The following ANO4 variants were observed in gnomAD, a reference collection of about 807,000 sequenced individuals.
The protein encoded by ANO4 is anoctamin-4.
ANO4 carries 69 observed loss-of-function variants against 141.9 expected under a neutral mutation model. The observed-to-expected ratio is 0.49, with a 90% confidence interval of 0.40 to 0.59. The LOEUF is 0.59. Among genes scored for constraint, ANO4 ranks in the 20% least tolerant of loss-of-function variants. The pLI, the probability that ANO4 is intolerant of heterozygous loss-of-function variation, is 0.00. For synonymous variants in ANO4, 350 were observed against 394.3 expected (o/e 0.89, Z 1.33); for missense variants, 894 against 1,162.2 (o/e 0.77, Z 3.36).
chr12:100,759,744 G>A (rs1489795531), intron 3 of ANO4, among the ~76,000 whole-genome samples: 1 of 152,138 alleles, frequency 6.6e-6, no homozygotes, highest in Non-Finnish European at 1.5e-5. Context: ...GTACCATTTT[G>A]AGCCCGTTTC....
At chr12:100,989,975 AGATGGATGGATG>A (rs58082088) in intron 8 of ANO4, among the ~76,000 whole-genome samples, 23,410 of 131,660 alleles carry the variant, frequency 0.18, 2,018 homozygotes, top group East Asian at 0.26. Context: ...ATAGGTCACC[AGATGGATGGATG>A]GATGGATGGA....
intron 24 of ANO4, among the ~76,000 whole-genome samples, chr12:101,112,319 G>A (rs1361284426): frequency 6.6e-6 from 1 of 152,176 alleles, no homozygotes; most frequent in East Asian, 1.9e-4. Flanking sequence ...CAATTCTATG[G>A]CATTGCCTCA....
At chr12:101,001,065 G>A (rs781517969) in intron 8 of ANO4, among the ~76,000 whole-genome samples, 11 of 151,976 alleles carry the variant, frequency 7.2e-5, no homozygotes, top group Non-Finnish European at 1.3e-4. Context: ...ATGTGTGCAT[G>A]TATATTTTTA....
chr12:100,795,322 G>A (rs1043105244), intron 1 of ANO4, among the ~76,000 whole-genome samples: 2 of 152,222 alleles, frequency 1.3e-5, no homozygotes, highest in Non-Finnish European at 1.5e-5. Flanking sequence ...CTGCAGCAGC[G>A]TGCAGGGAAT....
chr12:101,030,086 A>G (rs2046914512), intron 9 of ANO4, among the ~76,000 whole-genome samples: 1 of 152,148 alleles, frequency 6.6e-6, no homozygotes, highest in Non-Finnish European at 1.5e-5. Flanking sequence ...CAGAAAATTA[A>G]CAAGGATATT....
intron 15 of ANO4, among the ~76,000 whole-genome samples, chr12:101,082,074 C>T (rs2049306982): frequency 6.6e-6 from 1 of 152,162 alleles, no homozygotes. Context: ...GCTGTGTCCC[C>T]ACCCAAATCT....
In ANO4 at chr12:100,908,877, T is replaced by C. The variant is rs558799622; in HGVS notation, c.55+7037T>C. Among the ~76,000 whole-genome samples, 5 of 152,356 alleles carry C rather than the reference T, an allele frequency of 3.3e-5. 1 individual carries two copies. The South Asian group carries it at 1.0e-3, about 32-fold the overall frequency. The stretch of plus-strand genomic sequence containing the variant: ...TTTTCTGTTCCATCTGCCTGAACAA[T>C]TTCAGTATGTTTATCCTCCTTTGAG... On this transcript the variant is annotated intron_variant, in intron 2 of 27. Transcript: ENST00000392977.
At chr12:100,893,518 GACCC>G (rs2040203947) in intron 1 of ANO4, among the ~76,000 whole-genome samples, 1 of 152,002 alleles carries the variant, frequency 6.6e-6, no homozygotes, top group African/African-American at 2.4e-5. Flanking sequence ...CTCCTTCTGG[GACCC>G]ATGGCTAGTC....
chr12:101,042,267 C>T (rs1417819333), intron 11 of ANO4, 67 bp from the exon 12 acceptor site: 17 of 1,586,950 alleles, frequency 1.1e-5, no homozygotes, highest in East Asian at 6.8e-5. Context: ...AATGACTATA[C>T]GAAGTTTCAT....
rs141984741 is a variant in ANO4, at chr12:100,756,349, A to G, written c.358+16244A>G. The stretch of plus-strand genomic sequence containing the variant: ...ACCATTTTAAATGTATGTATAGAAC[A>G]TTATTTATTTTTATTTTTGAGGTGT... On this transcript the variant is annotated intron_variant, in intron 3 of 29. Coordinates refer to the ANO4 transcript ENST00000644049. 3.2e-3 allele frequency among the ~76,000 whole-genome samples: 483 copies of G among 152,168 alleles called. 6 individuals carry two copies. Among genetic ancestry groups the G allele is most frequent in the African/African-American group, 0.011 (449 of 41,544 alleles).
intron 16 of ANO4, among the ~76,000 whole-genome samples, chr12:101,086,015 GA>G (rs1317462879): frequency 6.6e-6 from 1 of 151,434 alleles, no homozygotes; most frequent in East Asian, 1.9e-4. Context: ...GAGTCATGAA[GA>G]ACTTTTATTA....
At chr12:100,881,192 AG>A (rs1227276155) in intron 1 of ANO4, among the ~76,000 whole-genome samples, 2 of 151,996 alleles carry the variant, frequency 1.3e-5, no homozygotes, top group Non-Finnish European at 2.9e-5. Flanking sequence ...CTAAATGACG[AG>A]TTAATGGGTA....
chr12:100,813,120 C>T (rs1370076884), intron 1 of ANO4, among the ~76,000 whole-genome samples: 1 of 152,184 alleles, frequency 6.6e-6, no homozygotes, highest in African/African-American at 2.4e-5. Flanking sequence ...GGCGTCCTAG[C>T]AGTGTCAAAT....
chr12:100,989,204 C>T (rs934384433), intron 8 of ANO4, among the ~76,000 whole-genome samples: 3 of 152,094 alleles, frequency 2.0e-5, no homozygotes, highest in Non-Finnish European at 4.4e-5. Flanking sequence ...ATGGAATTCA[C>T]AGACTGGCCT....
intron 3 of ANO4, among the ~76,000 whole-genome samples, chr12:100,755,648 A>G (rs1258417800): frequency 2.0e-5 from 3 of 152,198 alleles, no homozygotes; most frequent in Non-Finnish European, 4.4e-5. Flanking sequence ...GTTTACGATC[A>G]TTTTTTATTA....
At chr12:100,899,426 A>C (rs1025476153) in intron 1 of ANO4, among the ~76,000 whole-genome samples, 7 of 152,222 alleles carry the variant, frequency 4.6e-5, no homozygotes, top group African/African-American at 1.7e-4. Flanking sequence ...TCCGGTGAGC[A>C]CTGTTGGAAT....
intron 2 of ANO4, among the ~76,000 whole-genome samples, chr12:100,913,809 G>C (rs1344528357): frequency 6.6e-6 from 1 of 152,216 alleles, no homozygotes; most frequent in Non-Finnish European, 1.5e-5. Flanking sequence ...AGTTTGAGCT[G>C]ACAGGCCGAT....
At position 100,922,067 on chromosome 12, in the gene ANO4, C is replaced by CT. The variant is rs71820018; in HGVS notation, c.56-146dup. Among the ~76,000 whole-genome samples the CT allele has an allele frequency of 5.3e-3, 761 of 142,370 alleles. 4 individuals are homozygous for CT. Among genetic ancestry groups the CT allele is most frequent in the African/African-American group, 0.014 (544 of 38,336 alleles). The allele number at this position is 142,370 out of a possible 152,430, so 93.4% of individuals were successfully genotyped here. On this transcript the variant is annotated intron_variant, in intron 2 of 27. Coordinates refer to ENST00000392977, the MANE Select transcript of ANO4 (RefSeq NM_001286615.2). ...AAATGCAAATGGCTTGTATATGTTC[C>CT]TTTTTTTTTTTTTCTTAAGTCCTTT...
In ANO4 at chr12:100,806,523, CGTTTTTT is replaced by C. The variant is rs2035041820; in HGVS notation, c.-141+11497_-141+11503del. Reference sequence around the variant, plus strand: ...TTTTTAGGAGGTTTTTTTTTTGTTTCGTTTTTTTTTTTTTTTTTTTTTTTTTTTTTTT... The same window carrying C: ...TTTTTAGGAGGTTTTTTTTTTGTTTCTTTTTTTTTTTTTTTTTTTTTTTTT... On this transcript the variant is annotated intron_variant, in intron 1 of 27. Transcript: ENST00000392977. Among the ~76,000 whole-genome samples, 16 of 44,982 alleles carry C rather than the reference CGTTTTTT, an allele frequency of 3.6e-4. 2 individuals are homozygous for C. Among genetic ancestry groups the C allele is most frequent in the Admixed American group, 6.2e-4 (2 of 3,212 alleles). The allele number at this position is 44,982 out of a possible 152,430, so 29.5% of individuals were successfully genotyped here. A position where few individuals can be genotyped will look rare whatever the true frequency, so the allele number is the denominator to read the frequency against.
Sources: allele counts gnomAD v4.1 joint callset (sites outside exome capture counted in the v4.1 genomes callset), GRCh38; gene constraint gnomAD v4.1.1; transcripts MANE v1.5; gene names NCBI Gene and HGNC (gene_info 2026-07-23, HGNC 2026-07-21).